The following MMD2 variants were observed in gnomAD, a reference collection of about 807,000 sequenced individuals.
MMD2 encodes the protein monocyte to macrophage differentiation associated 2, also known as monocyte to macrophage differentiation factor 2.
Under a neutral mutation model 33.5 loss-of-function variants are expected in MMD2, and 30 were observed. The ratio of observed to expected loss-of-function variants is 0.90; its 90% CI spans 0.67 to 1.22. MMD2 has a LOEUF of 1.22. Among genes scored for constraint, MMD2 ranks in the 50% most tolerant of loss-of-function variants. The pLI is 0.00. For synonymous variants in MMD2, 129 were observed against 123.0 expected (o/e 1.05, Z -0.32); for missense variants, 364 against 325.4 (o/e 1.12, Z -0.91).
the MMD2 span, among the ~76,000 whole-genome samples, chr7:4,896,195 T>G: frequency 6.6e-6 from 1 of 152,056 alleles, no homozygotes; most frequent in African/African-American, 2.4e-5. Flanking sequence ...CAAAAATAAA[T>G]AATAGGCCAG....
the MMD2 span, among the ~76,000 whole-genome samples, chr7:4,900,785 C>T: frequency 2.6e-5 from 4 of 152,074 alleles, no homozygotes; most frequent in African/African-American, 4.8e-5. Flanking sequence ...CTCCTCCTGC[C>T]GCCTCCTCTC....
At chr7:4,895,447 G>A in the MMD2 span, among the ~76,000 whole-genome samples, 5 of 152,290 alleles carry the variant, frequency 3.3e-5, no homozygotes, top group Admixed American at 6.5e-5. Flanking sequence ...GCGGGGTTGC[G>A]GTGTGGAGAA....
rs141589278 is a variant in MMD2 at position 4,929,252 on chromosome 7, G to A, written c.48-3720C>T. ...GTCACACCGAGCCCATTCGACAGAT[G>A]AGAAAACTAAGACCCCTGGGGCCAG... is the stretch of plus-strand genomic sequence containing the variant. On this transcript the variant is annotated intron_variant, in intron 1 of 6. Transcript: ENST00000401401. Among the ~76,000 whole-genome samples, 113 of 152,248 alleles carry A rather than the reference G, an allele frequency of 7.4e-4. 2 individuals are homozygous for A. In the East Asian group the frequency reaches 0.017, roughly 22 times the overall value.
intron 4 of MMD2, among the ~76,000 whole-genome samples, chr7:4,913,103 A>G (rs1241231585): frequency 6.6e-6 from 1 of 152,168 alleles, no homozygotes; most frequent in Non-Finnish European, 1.5e-5. Flanking sequence ...GTAACACCGA[A>G]AAGTTTAAGA....
chr7:4,950,562 A>T (rs1463722741), intron 1 of MMD2, among the ~76,000 whole-genome samples: 1 of 151,618 alleles, frequency 6.6e-6, no homozygotes, highest in Non-Finnish European at 1.5e-5. Flanking sequence ...TATGGATTGG[A>T]CTCCTCGAGG....
At chr7:4,896,071 G>A in the MMD2 span, among the ~76,000 whole-genome samples, 1 of 152,066 alleles carries the variant, frequency 6.6e-6, no homozygotes, top group African/African-American at 2.4e-5. Flanking sequence ...AGTAACAAAC[G>A]ATGTTTTTGG....
intron 3 of MMD2, among the ~76,000 whole-genome samples, 152 bp from the exon 4 acceptor site, chr7:4,916,231 C>T (rs1785139620): frequency 6.6e-6 from 1 of 152,012 alleles, no homozygotes; most frequent in South Asian, 2.1e-4. Context: ...CCTCAGAATC[C>T]CCATCTGTAA....
At chr7:4,923,575 G>A (rs1304517479) in intron 2 of MMD2, among the ~76,000 whole-genome samples, 1 of 151,454 alleles carries the variant, frequency 6.6e-6, no homozygotes, top group Non-Finnish European at 1.5e-5. Flanking sequence ...ACTAAATGAT[G>A]GAGCTGGGAT....
chr7:4,948,287 G>A (rs991983779), intron 1 of MMD2, among the ~76,000 whole-genome samples: 3 of 152,196 alleles, frequency 2.0e-5, no homozygotes, highest in African/African-American at 4.8e-5. Context: ...AGCACTTTGG[G>A]AGACTGAGGC....
At chr7:4,912,587 C>G (rs1053845373) in intron 4 of MMD2, among the ~76,000 whole-genome samples, 4 of 149,748 alleles carry the variant, frequency 2.7e-5, no homozygotes, top group African/African-American at 7.4e-5. Context: ...GGATAACGGT[C>G]AATGCACAGA....
At chr7:4,953,082 C>T (rs1786292635) in intron 1 of MMD2, among the ~76,000 whole-genome samples, 1 of 151,844 alleles carries the variant, frequency 6.6e-6, no homozygotes, top group Non-Finnish European at 1.5e-5. Flanking sequence ...TCAAGTAATC[C>T]ACCGGGATTA....
At chr7:4,910,667 C>T (rs1784982674) in intron 5 of MMD2, among the ~76,000 whole-genome samples, 1 of 151,854 alleles carries the variant, frequency 6.6e-6, no homozygotes, top group South Asian at 2.1e-4. Context: ...CTTGCTCTGT[C>T]GCCCAGGCTG....
chr7:4,895,450 G>A, the MMD2 span, among the ~76,000 whole-genome samples: 1 of 152,352 alleles, frequency 6.6e-6, no homozygotes, highest in East Asian at 1.9e-4. Flanking sequence ...GGGTTGCGGT[G>A]TGGAGAAACG....
chr7:4,948,042 T>C (rs1017626210), intron 1 of MMD2, among the ~76,000 whole-genome samples: 1 of 151,842 alleles, frequency 6.6e-6, no homozygotes, highest in Admixed American at 6.6e-5. Flanking sequence ...ACTCATTCAC[T>C]ATCTCAACCA....
At chr7:4,923,319 G>C (rs1349173845) in intron 2 of MMD2, among the ~76,000 whole-genome samples, 2 of 151,980 alleles carry the variant, frequency 1.3e-5, no homozygotes, top group Non-Finnish European at 2.9e-5. Flanking sequence ...GGCCAGGCTG[G>C]TCTCGAACTC....
At chr7:4,893,994 G>A in the MMD2 span, among the ~76,000 whole-genome samples, 26 of 152,176 alleles carry the variant, frequency 1.7e-4, no homozygotes, top group East Asian at 2.1e-3. Flanking sequence ...AGGTCTTTGC[G>A]ACCTGTATCT....
chr7:4,928,116 T>C lies in MMD2; in HGVS notation c.48-2584A>G, dbSNP rs549331094. On this transcript the variant is annotated intron_variant, in intron 1 of 6. Transcript: ENST00000401401. ...CGGCCCACACAGGCTCGGAATCAGC[T>C]CACCTGGACGTTGCCAAGCAGCAGC... Among the ~76,000 whole-genome samples, 4 of 152,218 alleles carry C rather than the reference T, an allele frequency of 2.6e-5. No individual in the cohort carries two copies. The South Asian group carries it at 8.3e-4, about 32-fold the overall frequency.
intron 6 of MMD2, among the ~76,000 whole-genome samples, chr7:4,908,243 C>T (rs997280447): frequency 6.7e-6 from 1 of 150,068 alleles, no homozygotes; most frequent in Admixed American, 6.7e-5. Flanking sequence ...CTGGGTTCAA[C>T]CAATTCTCCT....
rs1165504272 is a variant in MMD2, at chr7:4,938,002, C to CTTTTTTTTTTTTTTTTTTTT, written c.48-12490_48-12471dup. Reference sequence around the variant, plus strand: ...TTTTTTTTTCTTTTTTTCTTTCTTTCTTTTTTTTTTTTTTTTTTTTTTTTT... The same window carrying CTTTTTTTTTTTTTTTTTTTT: ...TTTTTTTTTCTTTTTTTCTTTCTTTCTTTTTTTTTTTTTTTTTTTTTTTTTTTTTTTTTTTTTTTTTTTTT... On this transcript the variant is annotated intron_variant, in intron 1 of 6. Coordinates refer to ENST00000401401, the MANE Select transcript of MMD2 (RefSeq NM_198403.4). 1.1e-4 allele frequency among the ~76,000 whole-genome samples: 5 copies of CTTTTTTTTTTTTTTTTTTTT among 45,646 alleles called. 1 individual carries two copies. The highest frequency in any genetic ancestry group is 2.1e-4 in the African/African-American group (2 of 9,744). The allele number at this position is 45,646 out of a possible 152,430, so 29.9% of individuals were successfully genotyped here.
Sources: gnomAD v4.1 joint callset for allele counts (sites outside exome capture counted in the v4.1 genomes callset) on GRCh38, gnomAD v4.1.1 for gene constraint, MANE v1.5 for transcripts, NCBI Gene and HGNC (gene_info 2026-07-23, HGNC 2026-07-21) for gene names.